Variants in LRP1B observed in about 807,000 individuals in gnomAD.
The protein encoded by LRP1B is LDL receptor related protein 1B, also known as low-density lipoprotein receptor-related protein 1B.
LRP1B carries 217 observed loss-of-function variants against 556.6 expected under a neutral mutation model. The observed-to-expected ratio is 0.39, with a 90% CI of 0.35 to 0.44. The LOEUF is 0.44. Ranked by LOEUF, LRP1B falls within the 20% of genes least tolerant of loss-of-function variation. LRP1B has a pLI of 1.00. For synonymous variants in LRP1B, 2,047 were observed against 1,865.8 expected (o/e 1.10, Z -2.50); for missense variants, 5,053 against 5,620.8 (o/e 0.90, Z 3.23).
intron 3 of LRP1B, among the ~76,000 whole-genome samples, chr2:141,414,246 A>AAAAAAAAAAAAAGAAAAG (rs1553511548): frequency 6.8e-6 from 1 of 147,808 alleles, no homozygotes; most frequent in African/African-American, 2.6e-5. Context: ...TCAAAAAAAA[A>AAAAAAAAAAAAAGAAAAG]AAAAAAAGAA....
chr2:141,127,069 C>G (rs1002700749), intron 7 of LRP1B, among the ~76,000 whole-genome samples: 1 of 148,304 alleles, frequency 6.7e-6, no homozygotes, highest in Non-Finnish European at 1.5e-5. Context: ...TCCATGTGTT[C>G]TCATTGTTCA....
intron 3 of LRP1B, among the ~76,000 whole-genome samples, chr2:141,387,755 C>T (rs1429921302): frequency 3.3e-5 from 5 of 152,138 alleles, no homozygotes; most frequent in Non-Finnish European, 7.4e-5. Context: ...AACATCAAAA[C>T]TTCTTAGACT....
At chr2:141,266,062 C>T (rs920471862) in intron 3 of LRP1B, among the ~76,000 whole-genome samples, 2 of 152,092 alleles carry the variant, frequency 1.3e-5, no homozygotes, top group African/African-American at 2.4e-5. Flanking sequence ...CGGTGGCTCA[C>T]GCCTGTAATC....
chr2:141,898,542 A>G (rs1299754212), intron 1 of LRP1B, among the ~76,000 whole-genome samples: 1 of 152,174 alleles, frequency 6.6e-6, no homozygotes, highest in Non-Finnish European at 1.5e-5. Context: ...ACCAGGAATA[A>G]GAAAAGGAGA....
chr2:140,991,477 T>A (rs1245085468), intron 16 of LRP1B, among the ~76,000 whole-genome samples: 1 of 152,122 alleles, frequency 6.6e-6, no homozygotes, highest in Non-Finnish European at 1.5e-5. Flanking sequence ...GATGACATAG[T>A]GCTGGAAGGT....
At chr2:141,539,116 T>C (rs1685161643) in intron 2 of LRP1B, among the ~76,000 whole-genome samples, 2 of 152,160 alleles carry the variant, frequency 1.3e-5, no homozygotes, top group African/African-American at 4.8e-5. Context: ...TATCAATGAT[T>C]TATGTGGTAC....
At chr2:141,519,456 C>T (rs151073838) in intron 2 of LRP1B, among the ~76,000 whole-genome samples, 14 of 143,802 alleles carry the variant, frequency 9.7e-5, no homozygotes, top group African/African-American at 3.4e-4. Flanking sequence ...CTACTTCTAA[C>T]CTGAAGTGTT....
chr2:141,138,302 C>G (rs534730627), intron 7 of LRP1B, among the ~76,000 whole-genome samples: 2 of 151,814 alleles, frequency 1.3e-5, no homozygotes, highest in African/African-American at 2.4e-5. Flanking sequence ...AAGAAACTTA[C>G]GGGTAGTATA....
At chr2:140,636,435 T>G (rs750471833) in intron 41 of LRP1B, among the ~76,000 whole-genome samples, 1 of 152,166 alleles carries the variant, frequency 6.6e-6, no homozygotes, top group Non-Finnish European at 1.5e-5. Context: ...AAAAGTATGA[T>G]TACCATCACA....
intron 2 of LRP1B, among the ~76,000 whole-genome samples, chr2:141,601,623 CT>C (rs1687743159): frequency 6.7e-6 from 1 of 149,894 alleles, no homozygotes; most frequent in Admixed American, 6.7e-5. Flanking sequence ...TCCTTCCTTC[CT>C]TCCTTCCTTC....
In LRP1B at chr2:140,883,860, C is replaced by T. The variant is rs1319296938; in HGVS notation, c.4126G>A (p.Ala1376Thr). The change falls in exon 25 of 91, where the codon GCC becomes ACC. Residue 1376 changes from alanine (A) to threonine (T), a missense_variant. Ala to Thr is a moderately conservative substitution (Grantham distance 58). Transcript: ENST00000389484. ...GCAATGGCCCTGGGGTGTTCCATGG[C>T]TCCTGCTATTAGTGTAGTTCTTAGG... ...GSLRTTLIAGAMEHPRAIALD... is the reference protein window; with the variant it reads ...GSLRTTLIAGTMEHPRAIALD... 6.2e-7 allele frequency: 1 copy of T among 1,613,974 alleles called. No homozygotes were observed. The highest frequency in any genetic ancestry group is 1.1e-5 in the South Asian group (1 of 91,074).
At chr2:140,624,028 C>T (rs1683562169) in intron 41 of LRP1B, among the ~76,000 whole-genome samples, 2 of 138,908 alleles carry the variant, frequency 1.4e-5, no homozygotes, top group Admixed American at 1.5e-4. Flanking sequence ...GTTTTAGAAA[C>T]TAGCAAATGT....
At chr2:140,301,778 T>C (rs965145771) in intron 83 of LRP1B, among the ~76,000 whole-genome samples, 2 of 151,718 alleles carry the variant, frequency 1.3e-5, no homozygotes, top group African/African-American at 2.4e-5. Flanking sequence ...TTTTCTGTAG[T>C]TTATAAATAT....
At chr2:141,210,962 T>C (rs754661024) in intron 6 of LRP1B, among the ~76,000 whole-genome samples, 1 of 151,826 alleles carries the variant, frequency 6.6e-6, no homozygotes, top group South Asian at 2.1e-4. Flanking sequence ...CACAGTAGAG[T>C]GCTAAGAGGT....
chr2:141,918,336 C>T (rs971937663), intron 1 of LRP1B, among the ~76,000 whole-genome samples: 4 of 151,946 alleles, frequency 2.6e-5, no homozygotes, highest in Admixed American at 6.6e-5. Context: ...ATACTGTGCA[C>T]GGTTGTATAG....
chr2:140,481,035 T>A (rs1334671115), intron 59 of LRP1B, among the ~76,000 whole-genome samples: 1 of 151,980 alleles, frequency 6.6e-6, no homozygotes, highest in Non-Finnish European at 1.5e-5. Context: ...CCTGGCTAAT[T>A]TTTGTATTCT....
chr2:140,617,799 G>A (rs1683309969), intron 41 of LRP1B, among the ~76,000 whole-genome samples: 1 of 151,866 alleles, frequency 6.6e-6, no homozygotes, highest in Non-Finnish European at 1.5e-5. Flanking sequence ...GCTTTGTGTT[G>A]TTTCCTTGAA....
intron 3 of LRP1B, among the ~76,000 whole-genome samples, chr2:141,384,700 A>G (rs1341640725): frequency 6.6e-6 from 1 of 152,170 alleles, no homozygotes; most frequent in African/African-American, 2.4e-5. Flanking sequence ...GCAGTGGAGT[A>G]TAATCAAACA....
intron 1 of LRP1B, among the ~76,000 whole-genome samples, chr2:142,041,085 G>T (rs1704049054): frequency 6.6e-6 from 1 of 151,326 alleles, no homozygotes; most frequent in Non-Finnish European, 1.5e-5. Flanking sequence ...AAACATAATT[G>T]TAAATATTAT....
Sources: gnomAD v4.1 joint callset for allele counts (sites outside exome capture counted in the v4.1 genomes callset) on GRCh38, gnomAD v4.1.1 for gene constraint, MANE v1.5 for transcripts, NCBI Gene and HGNC (gene_info 2026-07-23, HGNC 2026-07-21) for gene names.